DCLK1: variants seen among roughly 807,000 people sequenced by gnomAD.
DCLK1 encodes doublecortin like kinase 1.
A neutral mutation model predicts 86.2 loss-of-function variants in DCLK1; 16 were observed. The ratio of observed to expected loss-of-function variants is 0.19; its 90% CI spans 0.13 to 0.28. The LOEUF (loss-of-function observed/expected upper bound fraction) is 0.28. Among genes scored for constraint, DCLK1 ranks in the 10% least tolerant of loss-of-function variants. The pLI, the probability that DCLK1 is intolerant of heterozygous loss-of-function variation, is 1.00. For synonymous variants in DCLK1, 369 were observed against 370.5 expected (o/e 1.00, Z 0.05); for missense variants, 590 against 940.2 (o/e 0.63, Z 4.87).
intron 4 of DCLK1, among the ~76,000 whole-genome samples, chr13:35,902,176 C>A (rs578155005): frequency 2.6e-5 from 4 of 152,100 alleles, no homozygotes; most frequent in African/African-American, 9.7e-5. Flanking sequence ...GAAACTAAAG[C>A]CGAGTAAGGT....
intron 4 of DCLK1, among the ~76,000 whole-genome samples, chr13:35,943,145 C>T (rs1361248355): frequency 1.3e-5 from 2 of 152,124 alleles, no homozygotes; most frequent in Non-Finnish European, 2.9e-5. Flanking sequence ...AATCCAATAA[C>T]TGGTGTCCTT....
intron 15 of DCLK1, among the ~76,000 whole-genome samples, chr13:35,795,566 C>T (rs573915744): frequency 1.3e-3 from 199 of 152,228 alleles, no homozygotes; most frequent in Non-Finnish European, 2.6e-3. Flanking sequence ...TAGGATTATG[C>T]GTCCAGAGTT....
chr13:35,934,339 G>A (rs1323239576), intron 4 of DCLK1, among the ~76,000 whole-genome samples: 1 of 152,124 alleles, frequency 6.6e-6, no homozygotes, highest in African/African-American at 2.4e-5. Context: ...CCAATTTACT[G>A]TATTAGTCTG....
chr13:36,071,205 T>C (rs895349517), intron 3 of DCLK1, among the ~76,000 whole-genome samples: 2 of 152,112 alleles, frequency 1.3e-5, no homozygotes, highest in African/African-American at 2.4e-5. Context: ...GGAGCCCAAA[T>C]TTCCCATGAA....
At chr13:35,847,595 T>C (rs9574740) in intron 6 of DCLK1, 391,986 of 863,898 alleles carry the variant, frequency 0.45, 99,831 homozygotes, top group Non-Finnish European at 0.47. Context: ...GAAATCTGAC[T>C]TGCACACTTC....
chr13:35,933,459 GCTCCTGCAGTAAA>G (rs1415807699), intron 4 of DCLK1, among the ~76,000 whole-genome samples: 2 of 152,208 alleles, frequency 1.3e-5, no homozygotes, highest in East Asian at 3.9e-4. Context: ...TGAGAGCCCT[GCTCCTGCAGTAAA>G]CTTGTGCCTG....
intron 16 of DCLK1, chr13:35,788,231 G>T (rs1173171538): frequency 6.2e-7 from 1 of 1,613,910 alleles, no homozygotes; most frequent in Non-Finnish European, 8.5e-7. Flanking sequence ...TACATTCCTG[G>T]TTGCTGGTAG....
chr13:35,805,916 C>T, intron 14 of DCLK1, 137 bp from the exon 15 acceptor site: 2 of 603,610 alleles, frequency 3.3e-6, no homozygotes, highest in East Asian at 3.1e-5. Context: ...ACTCCACTTA[C>T]CTGTGGCTAT....
At chr13:35,829,720 C>G (rs1162005702) in intron 8 of DCLK1, among the ~76,000 whole-genome samples, 3 of 152,156 alleles carry the variant, frequency 2.0e-5, no homozygotes, top group Non-Finnish European at 4.4e-5. Flanking sequence ...TGAATAAAAT[C>G]ACAAGATGAT....
chr13:36,046,068 T>C (rs1322525974), intron 3 of DCLK1, among the ~76,000 whole-genome samples: 1 of 151,906 alleles, frequency 6.6e-6, no homozygotes, highest in East Asian at 1.9e-4. Flanking sequence ...TCAGGAAGAA[T>C]ATCTAAAAAA....
rs58566617 is a variant in DCLK1 at position 35,847,154 on chromosome 13, G to A, written c.1035+7345C>T. 6.5e-3 allele frequency: 6,201 copies of A among 954,752 alleles called. 277 individuals carry two copies. The African/African-American group carries it at 0.098, about 15-fold the overall frequency. 59.1% of individuals were successfully genotyped at this position (954,752 alleles called of 1,614,324 possible). A position where few individuals can be genotyped will look rare whatever the true frequency, so the allele number is the denominator to read the frequency against. Reference sequence around the variant, plus strand: ...AAGATATATCAATATAAACATTAATGTTACTTATATTTAATAGTTAACACA... The same window carrying A: ...AAGATATATCAATATAAACATTAATATTACTTATATTTAATAGTTAACACA... On this transcript the variant is annotated intron_variant, in intron 6 of 16. Transcript: ENST00000360631.
At chr13:35,918,827 GCTC>G (rs893152275) in intron 4 of DCLK1, among the ~76,000 whole-genome samples, 2 of 147,052 alleles carry the variant, frequency 1.4e-5, no homozygotes, top group Non-Finnish European at 3.0e-5. Flanking sequence ...CAACACAAGT[GCTC>G]CTATTTAATT....
intron 3 of DCLK1, among the ~76,000 whole-genome samples, chr13:36,033,869 G>A (rs1176295608): frequency 6.6e-6 from 1 of 152,214 alleles, no homozygotes; most frequent in Non-Finnish European, 1.5e-5. Context: ...AGGTTGTGGT[G>A]AGCCGAAGTC....
intron 4 of DCLK1, among the ~76,000 whole-genome samples, chr13:35,901,890 T>A (rs1593716064): frequency 1.0e-5 from 1 of 97,876 alleles, no homozygotes; most frequent in African/African-American, 3.2e-5. Context: ...GCAGAGCAAA[T>A]TTTTTTTTTT....
chr13:35,842,545 C>T (rs1869887328), intron 6 of DCLK1, among the ~76,000 whole-genome samples: 1 of 152,044 alleles, frequency 6.6e-6, no homozygotes, highest in South Asian at 2.1e-4. Flanking sequence ...AAAGTGAATG[C>T]AATATTCTGG....
intron 16 of DCLK1, among the ~76,000 whole-genome samples, chr13:35,783,957 G>A (rs1044719074): frequency 6.6e-6 from 1 of 152,156 alleles, no homozygotes; most frequent in African/African-American, 2.4e-5. Flanking sequence ...TTCAGCCTAT[G>A]AATACTTACA....
chr13:36,014,891 C>G (rs1881472814), intron 3 of DCLK1, among the ~76,000 whole-genome samples: 1 of 152,242 alleles, frequency 6.6e-6, no homozygotes, highest in Non-Finnish European at 1.5e-5. Flanking sequence ...ATGTTCCGTG[C>G]ATAATTCAGT....
intron 4 of DCLK1, among the ~76,000 whole-genome samples, chr13:35,885,751 T>C (rs1167360259): frequency 6.6e-6 from 1 of 152,220 alleles, no homozygotes; most frequent in Non-Finnish European, 1.5e-5. Context: ...CTCAGGTTGC[T>C]GATTTGTCAT....
At chr13:36,031,779 C>T (rs902599325) in intron 3 of DCLK1, among the ~76,000 whole-genome samples, 3 of 152,188 alleles carry the variant, frequency 2.0e-5, no homozygotes, top group Admixed American at 6.5e-5. Context: ...GTTGTTGAAA[C>T]GCGTGGCTGT....
Sources: gnomAD v4.1 joint callset for allele counts (sites outside exome capture counted in the v4.1 genomes callset) on GRCh38, gnomAD v4.1.1 for gene constraint, MANE v1.5 for transcripts, NCBI Gene and HGNC (gene_info 2026-07-23, HGNC 2026-07-21) for gene names.